CNIH3: variants seen among roughly 807,000 people sequenced by gnomAD.
The protein encoded by CNIH3 is cornichon family AMPA receptor auxiliary protein 3, also known as protein cornichon homolog 3.
Under a neutral mutation model 24.1 loss-of-function variants are expected in CNIH3, and 14 were observed. The observed-to-expected ratio is 0.58, with a 90% CI of 0.38 to 0.91. The LOEUF (loss-of-function observed/expected upper bound fraction) is 0.91, where lower values mean the gene tolerates loss of function less well. Among genes scored for constraint, CNIH3 ranks in the 40% least tolerant of loss-of-function variants. CNIH3 has a pLI of 0.00. For synonymous variants in CNIH3, 68 were observed against 73.8 expected, an observed-to-expected ratio of 0.92 and a Z score of 0.40; for missense variants, 178 against 196.8, an observed-to-expected ratio of 0.90 and a Z score of 0.57.
chr1:224,680,742 TG>T (rs573972248), intron 1 of CNIH3, among the ~76,000 whole-genome samples: 15 of 152,206 alleles, frequency 9.9e-5, no homozygotes, highest in South Asian at 2.1e-4. Flanking sequence ...AAAAACTTAC[TG>T]GGGACAATTT....
intron 5 of CNIH3, among the ~76,000 whole-genome samples, chr1:224,584,578 A>C (rs1316602450): frequency 2.0e-5 from 3 of 152,264 alleles, no homozygotes; most frequent in African/African-American, 7.2e-5. Context: ...AAGACTGGTA[A>C]AAATATTCAC....
chr1:224,573,357 G>T (rs1212629203), intron 4 of CNIH3, among the ~76,000 whole-genome samples: 1 of 152,144 alleles, frequency 6.6e-6, no homozygotes, highest in African/African-American at 2.4e-5. Flanking sequence ...AAGGTGCAAG[G>T]TACAGCCTTT....
chr1:224,549,000 TGTACACCCTGGG>T (rs1199020951), intron 3 of CNIH3, among the ~76,000 whole-genome samples: 2 of 152,066 alleles, frequency 1.3e-5, no homozygotes, highest in Non-Finnish European at 2.9e-5. Context: ...ACACCCTGTG[TGTACACCCTGGG>T]ACATTATTCA....
chr1:224,496,206 C>T (rs1421047090), intron 1 of CNIH3, among the ~76,000 whole-genome samples: 3 of 152,180 alleles, frequency 2.0e-5, no homozygotes, highest in Non-Finnish European at 2.9e-5. Flanking sequence ...GCTGCCTCCT[C>T]TCTTGTGTCT....
intron 1 of CNIH3, among the ~76,000 whole-genome samples, chr1:224,654,156 C>A (rs183222098): frequency 2.0e-5 from 3 of 151,710 alleles, no homozygotes; most frequent in Non-Finnish European, 4.4e-5. Context: ...CCAAGGCGGG[C>A]GGATCACCTG....
At chr1:224,643,180 A>G (rs1415115371) in intron 1 of CNIH3, among the ~76,000 whole-genome samples, 1 of 152,176 alleles carries the variant, frequency 6.6e-6, no homozygotes, top group Admixed American at 6.5e-5. Flanking sequence ...CAACTATCAA[A>G]TACCTGCCGA....
intron 1 of CNIH3, among the ~76,000 whole-genome samples, chr1:224,488,535 A>T (rs939961812): frequency 2.0e-5 from 3 of 152,046 alleles, no homozygotes; most frequent in Non-Finnish European, 4.4e-5. Flanking sequence ...ATCATAGCTC[A>T]TTATAGCCTC....
chr1:224,579,832 T>C (rs1010475206), intron 4 of CNIH3, among the ~76,000 whole-genome samples: 2 of 152,212 alleles, frequency 1.3e-5, no homozygotes, highest in Admixed American at 6.5e-5. Flanking sequence ...TTTGCCATGA[T>C]TGGAGACAGC....
intron 1 of CNIH3, among the ~76,000 whole-genome samples, chr1:224,451,103 G>A (rs982137649): frequency 2.0e-5 from 3 of 152,288 alleles, no homozygotes; most frequent in South Asian, 2.1e-4. Context: ...CCATGTCCTC[G>A]TGCACAGTCA....
chr1:224,620,654 A>G (rs774550045), intron 1 of CNIH3, among the ~76,000 whole-genome samples: 7 of 152,218 alleles, frequency 4.6e-5, no homozygotes, highest in Non-Finnish European at 8.8e-5. Context: ...TTGTAATTAA[A>G]TAAAATCATC....
At position 224,723,605 on chromosome 1, in the gene CNIH3, G is replaced by A. The variant is rs1246133523; in HGVS notation, c.199-6857G>A. Reference sequence around the variant, plus strand: ...ACCACTGGGCCTCCCCAGGCCAGGAGGAAAATTCTTCTGTCTTCAGGTCCT... The same window carrying A: ...ACCACTGGGCCTCCCCAGGCCAGGAAGAAAATTCTTCTGTCTTCAGGTCCT... On this transcript the variant is annotated intron_variant, in intron 3 of 5. Transcript: ENST00000272133. Among the ~76,000 whole-genome samples the A allele has an allele frequency of 3.3e-5, 5 of 152,344 alleles. No homozygotes were observed. The East Asian group carries it at 9.6e-4, about 29-fold the overall frequency.
intron 1 of CNIH3, among the ~76,000 whole-genome samples, chr1:224,468,320 T>TTCTC (rs60890772): frequency 0.84 from 126,825 of 151,756 alleles, 53,353 homozygotes; most frequent in East Asian, 0.97. Context: ...AACACAGTAT[T>TTCTC]TCTATTTATT....
chr1:224,631,196 A>G (rs1451491501), intron 1 of CNIH3, among the ~76,000 whole-genome samples: 1 of 152,120 alleles, frequency 6.6e-6, no homozygotes, highest in Non-Finnish European at 1.5e-5. Flanking sequence ...CCAAAGGTGC[A>G]TGCTCAGGAC....
chr1:224,730,455 T>C lies in CNIH3; in HGVS notation c.199-7T>C, dbSNP rs1286522901. On this transcript the variant is annotated splice_polypyrimidine_tract_variant and splice_region_variant and intron_variant, in intron 3 of 5. Coordinates refer to ENST00000272133, the MANE Select transcript of CNIH3 (RefSeq NM_152495.2). ...AACTCAGGGCCGTGTCTCTGCTCCC[T>C]CTTCAGCTGGTGCTGCCAGAATACT... 3 of 1,544,152 alleles carry C rather than the reference T, an allele frequency of 1.9e-6. No homozygotes were observed. The highest frequency in any genetic ancestry group is 2.6e-6 in the Non-Finnish European group (3 of 1,139,214).
chr1:224,532,169 G>A (rs746172512), intron 2 of CNIH3, among the ~76,000 whole-genome samples: 2 of 152,082 alleles, frequency 1.3e-5, no homozygotes, highest in African/African-American at 4.8e-5. Context: ...TAAATAGAGC[G>A]ATCAAGGTAG....
chr1:224,652,308 G>A (rs902042688), intron 1 of CNIH3, among the ~76,000 whole-genome samples: 23 of 152,102 alleles, frequency 1.5e-4, no homozygotes, highest in African/African-American at 4.8e-4. Flanking sequence ...TGGACATAAG[G>A]TGGGGGAGTA....
At chr1:224,629,811 T>C (rs958605522) in intron 1 of CNIH3, among the ~76,000 whole-genome samples, 1 of 152,152 alleles carries the variant, frequency 6.6e-6, no homozygotes, top group African/African-American at 2.4e-5. Flanking sequence ...GTCTCTCTGC[T>C]GTCCTCTCTC....
intron 5 of CNIH3, among the ~76,000 whole-genome samples, chr1:224,584,401 T>C (rs12047290): frequency 0.099 from 15,149 of 152,268 alleles, 889 homozygotes; most frequent in South Asian, 0.24. Context: ...ACTTCTTGAT[T>C]TTGGACAAAC....
rs12130632 is a variant in CNIH3 at position 224,703,496 on chromosome 1, C to T, written c.198+18653C>T. 0.041 allele frequency among the ~76,000 whole-genome samples: 6,174 copies of T among 152,172 alleles called. 188 individuals carry two copies. The highest frequency in any genetic ancestry group is 0.12 in the East Asian group (599 of 5,182). On this transcript the variant is annotated intron_variant, in intron 3 of 5. Coordinates refer to ENST00000272133, the MANE Select transcript of CNIH3 (RefSeq NM_152495.2). The surrounding 1 kb of genome is among the most constrained non-coding windows in gnomAD (Gnocchi z 4.2). ...CTCCCCAAGTGACTCCACTGTGCAG[C>T]TAAGTTGGAAAAATCAGTGCCCTAG...
Sources: allele counts gnomAD v4.1 joint callset (sites outside exome capture counted in the v4.1 genomes callset), GRCh38; gene constraint gnomAD v4.1.1; non-coding constraint Gnocchi (gnomAD v3.1); transcripts MANE v1.5; gene names NCBI Gene and HGNC (gene_info 2026-07-23, HGNC 2026-07-21).